CIZ1: variants seen among roughly 807,000 people sequenced by gnomAD.
CIZ1 encodes the protein CDKN1A interacting zinc finger protein 1, also known as cip1-interacting zinc finger protein.
In CIZ1, 58 loss-of-function variants were observed where a neutral mutation model predicts 118.6. The observed-to-expected ratio is 0.49, with a 90% CI of 0.40 to 0.61. The LOEUF (loss-of-function observed/expected upper bound fraction) is 0.61, where lower values mean the gene tolerates loss of function less well. Ranked by LOEUF, CIZ1 falls within the 20% of genes least tolerant of loss-of-function variation. The pLI is 0.00. For synonymous variants in CIZ1, 448 were observed against 443.4 expected, an observed-to-expected ratio of 1.01 and a Z score of -0.13; for missense variants, 921 against 1,115.9, an observed-to-expected ratio of 0.83 and a Z score of 2.49.
chr9:128,190,657 T>G (rs1314671527), intron 2 of CIZ1, 31 bp downstream of exon 2: 1 of 1,544,408 alleles, frequency 6.5e-7, no homozygotes, highest in South Asian at 1.2e-5. Context: ...GTAGCAAGGC[T>G]GAAGCCATCG....
At chr9:128,187,253 T>C (rs1302360009) in intron 4 of CIZ1, among the ~76,000 whole-genome samples, 2 of 152,216 alleles carry the variant, frequency 1.3e-5, no homozygotes, top group African/African-American at 4.8e-5. Context: ...TTATCTGCTT[T>C]CTGCTTCACA....
At chr9:128,171,422 G>T (rs1830104085) in intron 11 of CIZ1, among the ~76,000 whole-genome samples, 1 of 147,030 alleles carries the variant, frequency 6.8e-6, no homozygotes, top group Non-Finnish European at 1.5e-5. Flanking sequence ...GAGAGACCCG[G>T]TCTCAAAAAA....
At position 128,190,808 on chromosome 9, in the gene CIZ1, AGCTGCTGCTGCTGTTGCTGGAGCT is replaced by A. The variant is rs767703623; in HGVS notation, c.26_49del (p.Gln9_Gln16del). The A allele has an allele frequency of 1.1e-3, 1,736 of 1,541,198 alleles. No individual in the cohort carries two copies. The highest frequency in any genetic ancestry group is 1.2e-3 in the Non-Finnish European group (1,416 of 1,144,390). ...GAGCTGCTGCTGCTGTAACTGCTGGAGCTGCTGCTGCTGTTGCTGGAGCTGCTGCTGCTGCTGCTGGCTGAACAT... is the reference window on the plus strand; with the variant it reads ...GAGCTGCTGCTGCTGTAACTGCTGGAGCTGCTGCTGCTGCTGGCTGAACAT... On this transcript the variant is annotated inframe_deletion, in exon 2 of 17. Coordinates refer to ENST00000372938, the MANE Select transcript of CIZ1 (RefSeq NM_001131016.2).
chr9:128,202,777 G>A (rs770987159), intron 1 of CIZ1: 1 of 151,996 alleles, frequency 6.6e-6, no homozygotes, highest in Non-Finnish European at 1.5e-5. Context: ...TTTACTGTCT[G>A]TCTCCCCAGC....
chr9:128,166,572 C>G lies in CIZ1; in HGVS notation c.2488-166G>C. On this transcript the variant is annotated intron_variant, in intron 16 of 16. Coordinates refer to ENST00000372938, the MANE Select transcript of CIZ1 (RefSeq NM_001131016.2). This position sits in a 1 kb window ranked among gnomAD's most constrained non-coding sequence, Gnocchi z 4.4. ...CGTCTCTGGAGCTAACAGCCTGGCA[C>G]TCAGCATCCCCTTGAACAATAAGAG... 1.1e-6 allele frequency: 1 copy of G among 939,724 alleles called. No homozygotes were observed. Among genetic ancestry groups the G allele is most frequent in the Non-Finnish European group, 1.6e-6 (1 of 630,554 alleles). 58.2% of individuals were successfully genotyped at this position (939,724 alleles called of 1,614,324 possible). A position where few individuals can be genotyped will look rare whatever the true frequency, so the allele number is the denominator to read the frequency against.
intron 5 of CIZ1, among the ~76,000 whole-genome samples, chr9:128,181,876 G>A (rs1378134958): frequency 1.3e-5 from 2 of 152,118 alleles, no homozygotes; most frequent in Non-Finnish European, 2.9e-5. Flanking sequence ...TTATCAGGAG[G>A]CCTAACCGTC....
chr9:128,183,358 G>T (rs62587082), intron 5 of CIZ1, among the ~76,000 whole-genome samples: 12 of 152,258 alleles, frequency 7.9e-5, no homozygotes, highest in Non-Finnish European at 1.5e-4. Flanking sequence ...TTTTCCATAC[G>T]TAAAAAAATG....
chr9:128,183,487 T>G, intron 5 of CIZ1, among the ~76,000 whole-genome samples: 1 of 151,650 alleles, frequency 6.6e-6, no homozygotes, highest in Admixed American at 6.6e-5. Flanking sequence ...CGCCCTGGAG[T>G]GGCCAGCAAA....
At chr9:128,184,489 A>ATTTTT (rs35204850) in intron 5 of CIZ1, among the ~76,000 whole-genome samples, 3 of 112,088 alleles carry the variant, frequency 2.7e-5, no homozygotes, top group Non-Finnish European at 5.2e-5. Context: ...GGCAGTGCTG[A>ATTTTT]TTTTTTTTTT....
intron 1 of CIZ1, among the ~76,000 whole-genome samples, chr9:128,200,691 G>A (rs1471760905): frequency 6.6e-6 from 1 of 151,302 alleles, no homozygotes; most frequent in Non-Finnish European, 1.5e-5. Context: ...CAAAAAATTA[G>A]CTGGGCGTGG....
At position 128,179,998 on chromosome 9, in the gene CIZ1, T is replaced by C. The variant is rs542268064; in HGVS notation, c.791+417A>G. On this transcript the variant is annotated intron_variant, in intron 7 of 16. Transcript: ENST00000372938. ...AAGACTTGGTTTCTAATGCTGGCTC[T>C]ACCACTTACAGGCTGGGGATTTGGG... 1.3e-3 allele frequency among the ~76,000 whole-genome samples: 203 copies of C among 152,336 alleles called. 1 individual carries two copies. Among genetic ancestry groups the C allele is most frequent in the Middle Eastern group, 6.8e-3 (2 of 294 alleles).
intron 3 of CIZ1, 143 bp from the exon 4 acceptor site, chr9:128,188,077 ACAAAACAAAAAATT>A (rs1832648052): frequency 3.7e-6 from 1 of 270,076 alleles, no homozygotes; most frequent in Non-Finnish European, 6.8e-6. Context: ...CCAAAACAAA[ACAAAACAAAAAATT>A]AAAAAAAGCA....
chr9:128,173,558 G>A (rs1447912173), intron 11 of CIZ1, among the ~76,000 whole-genome samples: 1 of 152,128 alleles, frequency 6.6e-6, no homozygotes, highest in Non-Finnish European at 1.5e-5. Context: ...GATTATAGGT[G>A]TGAGCCACCA....
At chr9:128,185,526 C>T (rs375626198) in intron 5 of CIZ1, 21 bp downstream of exon 5, 2 of 1,479,146 alleles carry the variant, frequency 1.4e-6, no homozygotes, top group African/African-American at 2.8e-5. Flanking sequence ...CCGCCCACTC[C>T]CATCCCCACC....
In CIZ1 at chr9:128,178,261, G is replaced by C. The variant is rs886076503; in HGVS notation, c.1620+108C>G. The C allele has an allele frequency of 1.6e-5, 21 of 1,335,134 alleles. 1 individual carries two copies. In the Admixed American group the frequency reaches 3.2e-4, roughly 20 times the overall value. The allele number at this position is 1,335,134 out of a possible 1,614,324, so 82.7% of individuals were successfully genotyped here. A position where few individuals can be genotyped will look rare whatever the true frequency, so the allele number is the denominator to read the frequency against. On this transcript the variant is annotated intron_variant, in intron 9 of 16. Transcript: ENST00000372938. ...GCAGAGGGCTGTCATCCCATTTCAC[G>C]GTGGGGGAAACACAAGGAGGCCCTG...
chr9:128,182,635 G>T (rs1018572455), intron 5 of CIZ1, among the ~76,000 whole-genome samples: 2 of 152,072 alleles, frequency 1.3e-5, no homozygotes, highest in Admixed American at 6.6e-5. Context: ...AGCCCTCTCT[G>T]CTTATCTACC....
rs45536439 is a variant in CIZ1, at chr9:128,179,172, C to T, written c.1035G>A (p.Ala345=). 12,560 of 1,613,952 alleles carry T rather than the reference C, an allele frequency of 7.8e-3. 662 individuals carry two copies. The African/African-American group carries it at 0.13, about 17-fold the overall frequency. Residue 345 remains alanine (A), a synonymous_variant, in exon 8 of 17, where the codon GCG becomes GCA. Coordinates refer to ENST00000372938, the MANE Select transcript of CIZ1 (RefSeq NM_001131016.2). ...TQVQPKLQKQ[A]QTQTSPEHLV... ...AGTGCTCTGGAGAGGTCTGTGTTTG[C>T]GCCTGCTTCTGCAGCTTTGGCTGCA... is the stretch of plus-strand genomic sequence containing the variant.
At chr9:128,185,421 A>G (rs1009356923) in intron 5 of CIZ1, 126 bp downstream of exon 5, 6 of 518,900 alleles carry the variant, frequency 1.2e-5, no homozygotes, top group East Asian at 3.3e-5. Context: ...CATTTTACAG[A>G]TGAGGAAACT....
Position 128,203,375 on chromosome 9 carries a change from A to T in CIZ1, c.-6+811T>A. 1 of 1,194,590 alleles carries T rather than the reference A, an allele frequency of 8.4e-7. No individual in the cohort carries two copies. Among genetic ancestry groups the T allele is most frequent in the Non-Finnish European group, 1.1e-6 (1 of 943,868 alleles). 74.0% of individuals were successfully genotyped at this position (1,194,590 alleles called of 1,614,324 possible). A position where few individuals can be genotyped will look rare whatever the true frequency, so the allele number is the denominator to read the frequency against. On this transcript the variant is annotated intron_variant, in intron 1 of 17. Transcript: ENST00000372948. This position sits in a 1 kb window ranked among gnomAD's most constrained non-coding sequence, Gnocchi z 5.3. ...CCGAGGGGCGGGGGCCCCGCGGCGC[A>T]GGCAGTCTGGGCGCGCGGCTGCAGC...
Sources: allele counts gnomAD v4.1 joint callset (sites outside exome capture counted in the v4.1 genomes callset), GRCh38; gene constraint gnomAD v4.1.1; non-coding constraint Gnocchi (gnomAD v3.1); transcripts MANE v1.5; gene names NCBI Gene and HGNC (gene_info 2026-07-23, HGNC 2026-07-21).